The following KATNAL1 variants were observed in gnomAD, a reference collection of about 807,000 sequenced individuals.
KATNAL1 encodes the protein katanin p60 ATPase-containing subunit A-like 1.
A neutral mutation model predicts 55.2 loss-of-function variants in KATNAL1; 32 were observed. The observed-to-expected ratio is 0.58, with a 90% CI of 0.44 to 0.78. KATNAL1 has a LOEUF of 0.78. Among genes scored for constraint, KATNAL1 ranks in the 30% least tolerant of loss-of-function variants. KATNAL1 has a pLI of 0.00. For synonymous variants in KATNAL1, 193 were observed against 193.6 expected, an observed-to-expected ratio of 1.00 and a Z score of 0.02; for missense variants, 466 against 600.9, an observed-to-expected ratio of 0.78 and a Z score of 2.35.
rs1342495143 is a variant in KATNAL1 at position 30,268,987 on chromosome 13, A to T, written c.323+11076T>A. The stretch of plus-strand genomic sequence containing the variant: ...CTAGCAGGAATGGTAACACACACAC[A>T]ATATAGTATAATATATAATATAATA... On this transcript the variant is annotated intron_variant, in intron 3 of 10. Coordinates refer to ENST00000380615, the MANE Select transcript of KATNAL1 (RefSeq NM_032116.5). 2.6e-5 allele frequency among the ~76,000 whole-genome samples: 4 copies of T among 152,316 alleles called. No individual in the cohort carries two copies. In the South Asian group the frequency reaches 6.2e-4, roughly 24 times the overall value.
intron 1 of KATNAL1, among the ~76,000 whole-genome samples, chr13:30,288,805 G>A (rs923236701): frequency 6.6e-6 from 1 of 152,194 alleles, no homozygotes; most frequent in Admixed American, 6.5e-5. Flanking sequence ...GGGCAAGTGA[G>A]AATATTCAGC....
chr13:30,263,791 C>A (rs1230905087), intron 3 of KATNAL1, among the ~76,000 whole-genome samples: 1 of 139,664 alleles, frequency 7.2e-6, no homozygotes, highest in Non-Finnish European at 1.6e-5. Flanking sequence ...GTGAAAATGG[C>A]CATACTGCCC....
At chr13:30,270,555 CTT>C (rs1034106535) in intron 3 of KATNAL1, among the ~76,000 whole-genome samples, 6 of 152,044 alleles carry the variant, frequency 3.9e-5, no homozygotes, top group Admixed American at 2.6e-4. Flanking sequence ...ACATGGGAGA[CTT>C]TTCATTTTGC....
rs767059422 is a variant in KATNAL1, at chr13:30,204,328, T to A, written c.*4212A>T. On this transcript the variant is annotated 3_prime_UTR_variant, in exon 11 of 11. Transcript: ENST00000380615. Reference sequence around the variant, plus strand: ...AGTTATCTTAAGAGTGGGAATCCACTATTAGGCAAAGAAAGACTCAATAAC... The same window carrying A: ...AGTTATCTTAAGAGTGGGAATCCACAATTAGGCAAAGAAAGACTCAATAAC... 9.2e-5 allele frequency: 14 copies of A among 152,190 alleles called. No individual in the cohort carries two copies. The highest frequency in any genetic ancestry group is 2.0e-4 in the Admixed American group (3 of 15,286). The allele number at this position is 152,190 out of a possible 1,614,324, so 9.4% of individuals were successfully genotyped here.
intron 3 of KATNAL1, among the ~76,000 whole-genome samples, chr13:30,258,589 T>C (rs1189117549): frequency 6.6e-6 from 1 of 152,252 alleles, no homozygotes; most frequent in Non-Finnish European, 1.5e-5. Flanking sequence ...CAATATTTTA[T>C]ATTTAATGCT....
At chr13:30,247,095 AG>A (rs1877870324) in intron 4 of KATNAL1, among the ~76,000 whole-genome samples, 1 of 152,174 alleles carries the variant, frequency 6.6e-6, no homozygotes, top group Non-Finnish European at 1.5e-5. Flanking sequence ...GGCACAGAAA[AG>A]GTAAGTAAAT....
At chr13:30,251,263 C>G (rs1333656351) in intron 4 of KATNAL1, among the ~76,000 whole-genome samples, 1 of 148,220 alleles carries the variant, frequency 6.7e-6, no homozygotes, top group Non-Finnish European at 1.5e-5. Flanking sequence ...TAAAAAAAAT[C>G]CTTTCGTTAC....
chr13:30,210,625 G>A, intron 9 of KATNAL1, 183 bp from the exon 10 acceptor site: 1 of 233,108 alleles, frequency 4.3e-6, no homozygotes, highest in Non-Finnish European at 7.8e-6. Context: ...ATTCCTATGT[G>A]CCTCTGTTGC....
chr13:30,270,081 T>C (rs1229915713), intron 3 of KATNAL1, among the ~76,000 whole-genome samples: 2 of 87,654 alleles, frequency 2.3e-5, no homozygotes, highest in African/African-American at 4.3e-5. Flanking sequence ...GTGGGGGGGG[T>C]CAGCCCCCCG....
At chr13:30,266,749 A>G (rs1010580820) in intron 3 of KATNAL1, among the ~76,000 whole-genome samples, 1 of 152,356 alleles carries the variant, frequency 6.6e-6, no homozygotes, top group Admixed American at 6.5e-5. Context: ...ATCTCCCTGG[A>G]GTTAAAAGAT....
At chr13:30,210,267 T>C in intron 10 of KATNAL1, 49 bp downstream of exon 10, 2 of 1,501,490 alleles carry the variant, frequency 1.3e-6, no homozygotes, top group South Asian at 1.4e-5. Flanking sequence ...CCAGTCCTCC[T>C]GCGAAGTCTA....
At chr13:30,289,018 T>C (rs757785198) in intron 1 of KATNAL1, among the ~76,000 whole-genome samples, 58 of 152,254 alleles carry the variant, frequency 3.8e-4, no homozygotes, top group Non-Finnish European at 1.9e-4. Context: ...TTCTATTCTA[T>C]ACAAATTTTT....
chr13:30,210,650 GAA>G (rs33951005), intron 9 of KATNAL1: 8,702 of 120,262 alleles, frequency 0.072, 574 homozygotes, highest in African/African-American at 0.2. Context: ...ACTAAAAATT[GAA>G]AAAAAAAAAA....
chr13:30,216,980 A>G (rs558290174), intron 9 of KATNAL1, among the ~76,000 whole-genome samples: 2 of 152,342 alleles, frequency 1.3e-5, no homozygotes, highest in African/African-American at 4.8e-5. Context: ...AGCCAACTTA[A>G]AATGAACATA....
In KATNAL1 at chr13:30,208,014, A is replaced by C. The variant is rs1873309992; in HGVS notation, c.*526T>G. 6.6e-6 allele frequency: 1 copy of C among 152,252 alleles called. No homozygotes were observed. The highest frequency in any genetic ancestry group is 2.4e-5 in the African/African-American group (1 of 41,470). 9.4% of individuals were successfully genotyped at this position (152,252 alleles called of 1,614,324 possible). ...GGTAGCGGAAGTAAAAATTCTAACC[A>C]TATGACAGACTCTAACAGTAAGTCA... On this transcript the variant is annotated 3_prime_UTR_variant, in exon 11 of 11. Coordinates refer to ENST00000380615, the MANE Select transcript of KATNAL1 (RefSeq NM_032116.5).
intron 4 of KATNAL1, among the ~76,000 whole-genome samples, chr13:30,245,404 CAAAAT>C: frequency 6.6e-6 from 1 of 152,238 alleles, no homozygotes; most frequent in East Asian, 1.9e-4. Context: ...GAACATATCT[CAAAAT>C]AATAAGAGCT....
At chr13:30,296,823 A>C in intron 1 of KATNAL1, 1 of 387,814 alleles carries the variant, frequency 2.6e-6, no homozygotes, top group Non-Finnish European at 5.1e-6. Context: ...CCCTGTGCTG[A>C]CCCAGGAAAG....
chr13:30,297,945 T>C (rs1047963108), intron 1 of KATNAL1, among the ~76,000 whole-genome samples: 1 of 152,212 alleles, frequency 6.6e-6, no homozygotes, highest in African/African-American at 2.4e-5. Flanking sequence ...GGATCATTCA[T>C]ATCCCAAACC....
rs145750923 is a variant in KATNAL1, at chr13:30,286,788, G to A, written c.-14-2997C>T. On this transcript the variant is annotated intron_variant, in intron 1 of 10. Transcript: ENST00000380615. ...AGGTCAGCTGTGAAAGCAGCCAGAA[G>A]GTGGGGATGTACCCTGCAAAGCCAC... Among the ~76,000 whole-genome samples the A allele has an allele frequency of 2.2e-4, 33 of 152,328 alleles. 1 individual carries two copies. The East Asian group carries it at 5.4e-3, about 25-fold the overall frequency.
Sources: gnomAD v4.1 joint callset for allele counts (sites outside exome capture counted in the v4.1 genomes callset) on GRCh38, gnomAD v4.1.1 for gene constraint, MANE v1.5 for transcripts, NCBI Gene and HGNC (gene_info 2026-07-23, HGNC 2026-07-21) for gene names.